Variants in POLR3G observed in about 807,000 individuals in gnomAD.
POLR3G encodes the protein RNA polymerase III subunit G, also known as DNA-directed RNA polymerase III subunit RPC7.
A neutral mutation model predicts 30.1 loss-of-function variants in POLR3G; 28 were observed. That is an observed-to-expected ratio of 0.93 (90% confidence interval 0.69 to 1.27). The LOEUF (loss-of-function observed/expected upper bound fraction) is 1.27. POLR3G is among the 50% of genes most tolerant of loss of function. The pLI, the probability that POLR3G is intolerant of heterozygous loss-of-function variation, is 0.00. For synonymous variants in POLR3G, 79 were observed against 82.5 expected (o/e 0.96, Z 0.23); for missense variants, 254 against 264.6 (o/e 0.96, Z 0.28).
chr5:90,480,814 G>A (rs1751086248), intron 1 of POLR3G, among the ~76,000 whole-genome samples: 3 of 152,190 alleles, frequency 2.0e-5, no homozygotes, highest in Admixed American at 6.5e-5. Context: ...GGCCTAGTGG[G>A]CTCTTGCAGT....
intron 6 of POLR3G, among the ~76,000 whole-genome samples, chr5:90,503,290 A>G (rs1439928307): frequency 2.0e-5 from 3 of 152,216 alleles, no homozygotes; most frequent in South Asian, 4.1e-4. Context: ...TGGCACAGCT[A>G]TTTGGTAGTG....
chr5:90,493,004 T>TACC (rs1402095781), intron 3 of POLR3G, among the ~76,000 whole-genome samples: 2 of 114,376 alleles, frequency 1.7e-5, no homozygotes, highest in Non-Finnish European at 3.7e-5. Context: ...ATTTAGATGA[T>TACC]ACACATATGA....
At chr5:90,512,007 A>T in intron 7 of POLR3G, 46 bp from the exon 8 acceptor site, 1 of 1,242,484 alleles carries the variant, frequency 8.0e-7, no homozygotes, top group Non-Finnish European at 1.2e-6. Flanking sequence ...TTTTCTTACT[A>T]CTCATTCATT....
chr5:90,501,271 A>G (rs1312757865), intron 5 of POLR3G, among the ~76,000 whole-genome samples: 1 of 152,218 alleles, frequency 6.6e-6, no homozygotes, highest in African/African-American at 2.4e-5. Flanking sequence ...TTTTAAAGAT[A>G]CAGTATATAA....
At chr5:90,483,064 C>T (rs919957850) in intron 1 of POLR3G, among the ~76,000 whole-genome samples, 3 of 144,496 alleles carry the variant, frequency 2.1e-5, no homozygotes, top group Admixed American at 7.5e-5. Flanking sequence ...TGCTTGAACC[C>T]GGGAGGCGGA....
chr5:90,487,074 A>G (rs1194984732), intron 2 of POLR3G, among the ~76,000 whole-genome samples: 1 of 152,182 alleles, frequency 6.6e-6, no homozygotes, highest in Admixed American at 6.5e-5. Flanking sequence ...GTATTTGTGT[A>G]TATGTATGTG....
At chr5:90,476,215 G>A (rs1750808181) in intron 1 of POLR3G, among the ~76,000 whole-genome samples, 1 of 152,170 alleles carries the variant, frequency 6.6e-6, no homozygotes, top group Non-Finnish European at 1.5e-5. Flanking sequence ...TGGGCATGCA[G>A]CTTTTCTAAA....
chr5:90,486,544 C>T (rs1371490512), intron 2 of POLR3G, among the ~76,000 whole-genome samples: 2 of 152,208 alleles, frequency 1.3e-5, no homozygotes, highest in Non-Finnish European at 2.9e-5. Flanking sequence ...TCCCCAGCTA[C>T]GCAGGTCTCC....
chr5:90,492,841 C>T (rs1476897747), intron 3 of POLR3G, among the ~76,000 whole-genome samples: 1 of 112,016 alleles, frequency 8.9e-6, no homozygotes, highest in Admixed American at 8.7e-5. Flanking sequence ...TGCACTCCAG[C>T]CTGGGCAAGA....
At chr5:90,505,984 C>G (rs944570543) in intron 6 of POLR3G, among the ~76,000 whole-genome samples, 6 of 152,102 alleles carry the variant, frequency 3.9e-5, no homozygotes, top group African/African-American at 7.2e-5. Context: ...CCTGTAATCC[C>G]AGCACTTTGG....
At chr5:90,490,297 A>C (rs368745694) in intron 3 of POLR3G, among the ~76,000 whole-genome samples, 1 of 62,670 alleles carries the variant, frequency 1.6e-5, no homozygotes, top group African/African-American at 5.5e-5. Flanking sequence ...TTTTGCTTTT[A>C]TTTCTTTCAG....
At chr5:90,506,729 A>G in intron 7 of POLR3G, 55 bp downstream of exon 7, 1 of 1,545,004 alleles carries the variant, frequency 6.5e-7, no homozygotes, top group Non-Finnish European at 8.7e-7. Flanking sequence ...CTAATAAGGA[A>G]TCAGATATAG....
upstream of POLR3G, chr5:90,474,677 G>C: frequency 1.1e-5 from 3 of 275,762 alleles, no homozygotes; most frequent in South Asian, 3.5e-5. Flanking sequence ...GAGGCCCGCA[G>C]TGAGGGTGGG....
chr5:90,506,161 G>A (rs40204), intron 6 of POLR3G, among the ~76,000 whole-genome samples: 39,380 of 151,972 alleles, frequency 0.26, 6,106 homozygotes, highest in African/African-American at 0.44. Context: ...CCCAGGAGAA[G>A]GAGGTTGCTG....
intron 7 of POLR3G, among the ~76,000 whole-genome samples, chr5:90,508,244 A>G (rs1246268770): frequency 2.0e-5 from 3 of 152,020 alleles, no homozygotes; most frequent in Non-Finnish European, 4.4e-5. Context: ...TAATACCTTC[A>G]TACGGGAAAT....
intron 3 of POLR3G, among the ~76,000 whole-genome samples, chr5:90,492,860 C>T (rs1394488960): frequency 7.8e-6 from 1 of 128,270 alleles, no homozygotes; most frequent in Non-Finnish European, 1.7e-5. Flanking sequence ...GACTCCGCCT[C>T]AAAAAAAAAA....
intron 1 of POLR3G, among the ~76,000 whole-genome samples, chr5:90,478,811 C>T (rs1309596883): frequency 6.6e-6 from 1 of 151,574 alleles, no homozygotes; most frequent in Non-Finnish European, 1.5e-5. Context: ...TGGTGAAACC[C>T]TGTCTCTACT....
At chr5:90,505,059 C>G (rs1752422038) in intron 6 of POLR3G, among the ~76,000 whole-genome samples, 1 of 152,142 alleles carries the variant, frequency 6.6e-6, no homozygotes, top group Non-Finnish European at 1.5e-5. Flanking sequence ...TGTAGTCTCT[C>G]TGTTGTCTTT....
chr5:90,478,569 C>CTTTTTTTTTTTTTTGTTTT, intron 1 of POLR3G, among the ~76,000 whole-genome samples: 1 of 79,334 alleles, frequency 1.3e-5, no homozygotes, highest in Non-Finnish European at 2.3e-5. Flanking sequence ...CTGCGTGGTT[C>CTTTTTTTTTTTTTTGTTTT]TTTTTTTTTT....
Sources: gnomAD v4.1 joint callset for allele counts (sites outside exome capture counted in the v4.1 genomes callset) on GRCh38, gnomAD v4.1.1 for gene constraint, MANE v1.5 for transcripts, NCBI Gene and HGNC (gene_info 2026-07-23, HGNC 2026-07-21) for gene names.